The following LDB2 variants were observed in gnomAD, a reference collection of about 807,000 sequenced individuals.
The protein encoded by LDB2 is LIM domain-binding protein 2.
In LDB2, 12 loss-of-function variants were observed where a neutral mutation model predicts 44.3. The ratio of observed to expected loss-of-function variants is 0.27; its 90% CI spans 0.17 to 0.44. The LOEUF (loss-of-function observed/expected upper bound fraction) is 0.44, where lower values mean the gene tolerates loss of function less well. Among genes scored for constraint, LDB2 ranks in the 20% least tolerant of loss-of-function variants. The pLI is 1.00. For synonymous variants in LDB2, 164 were observed against 174.8 expected, an observed-to-expected ratio of 0.94 and a Z score of 0.49; for missense variants, 344 against 473.5, an observed-to-expected ratio of 0.73 and a Z score of 2.54.
chr4:16,563,071 TG>T (rs1214950070), intron 5 of LDB2, among the ~76,000 whole-genome samples: 1 of 132,264 alleles, frequency 7.6e-6, no homozygotes, highest in Non-Finnish European at 1.6e-5. Flanking sequence ...TGTTGTGGGG[TG>T]GGGGGAGAGG....
chr4:16,845,833 C>T (rs967712212), intron 1 of LDB2, among the ~76,000 whole-genome samples: 2 of 152,080 alleles, frequency 1.3e-5, no homozygotes, highest in South Asian at 2.1e-4. Context: ...TAAGCCTGGG[C>T]GCGGTGGCTC....
At chr4:16,569,571 G>A (rs985635665) in intron 5 of LDB2, among the ~76,000 whole-genome samples, 1 of 152,116 alleles carries the variant, frequency 6.6e-6, no homozygotes, top group African/African-American at 2.4e-5. Context: ...GAATGGAAGT[G>A]AATGAGTCCT....
At chr4:16,819,213 G>A (rs1375711437) in intron 1 of LDB2, among the ~76,000 whole-genome samples, 1 of 151,766 alleles carries the variant, frequency 6.6e-6, no homozygotes, top group South Asian at 2.1e-4. Flanking sequence ...GACCTTTTAT[G>A]ATTCTTTCTA....
intron 2 of LDB2, among the ~76,000 whole-genome samples, chr4:16,652,260 T>C (rs145473832): frequency 6.6e-6 from 1 of 152,290 alleles, no homozygotes; most frequent in Non-Finnish European, 1.5e-5. Flanking sequence ...CTTTACTTTT[T>C]AAAGTAAAAA....
In LDB2 at chr4:16,511,925, C is replaced by T. The variant is rs868738839; in HGVS notation, c.739+56G>A. 25 of 1,555,856 alleles carry T rather than the reference C, an allele frequency of 1.6e-5. No individual in the cohort carries two copies. The Middle Eastern group carries it at 4.0e-3, about 246-fold the overall frequency. The stretch of plus-strand genomic sequence containing the variant: ...TTCTTCTTTTTCACATCACTTCATC[C>T]CTGGAAGACACCTCTGAAAACGTGT... On this transcript the variant is annotated intron_variant, in intron 6 of 7. Coordinates refer to ENST00000304523, the MANE Select transcript of LDB2 (RefSeq NM_001290.5).
At chr4:16,529,937 G>A (rs1401450038) in intron 5 of LDB2, among the ~76,000 whole-genome samples, 1 of 152,180 alleles carries the variant, frequency 6.6e-6, no homozygotes, top group Non-Finnish European at 1.5e-5. Flanking sequence ...CTCTGGAGCA[G>A]TGAGAAGCTT....
intron 1 of LDB2, among the ~76,000 whole-genome samples, chr4:16,766,468 A>ATGTGTG (rs1218763626): frequency 0.031 from 1,274 of 41,238 alleles, 23 homozygotes; most frequent in African/African-American, 0.05. Flanking sequence ...ACACACATAT[A>ATGTGTG]TGTGTGTGTG....
intron 1 of LDB2, among the ~76,000 whole-genome samples, chr4:16,801,223 C>G (rs541203839): frequency 6.6e-6 from 1 of 152,184 alleles, no homozygotes; most frequent in Non-Finnish European, 1.5e-5. Flanking sequence ...CCTGTAAGCT[C>G]TTAAGCCCCT....
intron 5 of LDB2, among the ~76,000 whole-genome samples, chr4:16,557,328 G>A (rs1740058490): frequency 6.6e-6 from 1 of 152,182 alleles, no homozygotes; most frequent in South Asian, 2.1e-4. Context: ...GGTGACAGAT[G>A]GCACCTGGAA....
chr4:16,883,380 C>A (rs1250811161), intron 1 of LDB2, among the ~76,000 whole-genome samples: 1 of 152,220 alleles, frequency 6.6e-6, no homozygotes, highest in Non-Finnish European at 1.5e-5. Flanking sequence ...GAAAATATTT[C>A]TCCGAGGCTT....
At chr4:16,612,895 A>G (rs1338111323) in intron 2 of LDB2, among the ~76,000 whole-genome samples, 1 of 152,214 alleles carries the variant, frequency 6.6e-6, no homozygotes, top group Non-Finnish European at 1.5e-5. Context: ...AAGAGACAGA[A>G]TAAAAAACGA....
At chr4:16,800,834 C>G (rs887095576) in intron 1 of LDB2, among the ~76,000 whole-genome samples, 1 of 152,308 alleles carries the variant, frequency 6.6e-6, no homozygotes, top group East Asian at 1.9e-4. Context: ...GCCACCAACG[C>G]CCGGCTAACT....
At chr4:16,557,805 G>A (rs1740317925) in intron 5 of LDB2, among the ~76,000 whole-genome samples, 1 of 152,146 alleles carries the variant, frequency 6.6e-6, no homozygotes, top group South Asian at 2.1e-4. Flanking sequence ...AGCCTAACTG[G>A]GAGGCACCCC....
At chr4:16,626,837 G>A (rs527903373) in intron 2 of LDB2, 3 of 152,084 alleles carry the variant, frequency 2.0e-5, no homozygotes, top group East Asian at 3.9e-4. Flanking sequence ...TATGAGCCTC[G>A]GCAGCAAGCC....
intron 2 of LDB2, among the ~76,000 whole-genome samples, chr4:16,684,292 G>A (rs1464268036): frequency 6.6e-5 from 10 of 152,268 alleles, no homozygotes; most frequent in Middle Eastern, 6.8e-3. Context: ...TAATCTCAGC[G>A]GAAATTTCGT....
chr4:16,560,858 G>A (rs554692524), intron 5 of LDB2, among the ~76,000 whole-genome samples: 1,532 of 152,238 alleles, frequency 0.01, 26 homozygotes, highest in African/African-American at 0.035. Context: ...ACATCAAAAA[G>A]CTTATCCACC....
chr4:16,579,059 A>T (rs961760402), intron 5 of LDB2, among the ~76,000 whole-genome samples: 1 of 152,198 alleles, frequency 6.6e-6, no homozygotes, highest in Non-Finnish European at 1.5e-5. Context: ...AGGGTGGCGG[A>T]AAAGGAGGAT....
chr4:16,585,772 A>AACAC (rs112653284), intron 5 of LDB2, 150 bp downstream of exon 5: 11 of 556,044 alleles, frequency 2.0e-5, no homozygotes, highest in East Asian at 6.2e-5. Flanking sequence ...CTCCATTGAA[A>AACAC]ACACACACAC....
intron 2 of LDB2, among the ~76,000 whole-genome samples, chr4:16,654,106 T>C (rs544236872): frequency 1.3e-5 from 2 of 152,268 alleles, no homozygotes; most frequent in Admixed American, 1.3e-4. Flanking sequence ...AAGGTCCAAA[T>C]ATCGGTGCAA....
Sources: allele counts gnomAD v4.1 joint callset (sites outside exome capture counted in the v4.1 genomes callset), GRCh38; gene constraint gnomAD v4.1.1; transcripts MANE v1.5; gene names NCBI Gene and HGNC (gene_info 2026-07-23, HGNC 2026-07-21).